SPMAP2L: variants seen among roughly 807,000 people sequenced by gnomAD.
The protein encoded by SPMAP2L is sperm microtubule associated protein 2 like, also known as sperm microtubule associated protein 2-like.
chr4:56,622,260 G>A, the SPMAP2L span, among the ~76,000 whole-genome samples: 1 of 152,298 alleles, frequency 6.6e-6, no homozygotes, highest in South Asian at 2.1e-4. Flanking sequence ...ACACAAATCA[G>A]GTTAAAACAT....
At chr4:56,584,432 G>A in the SPMAP2L span, 2 of 1,060,444 alleles carry the variant, frequency 1.9e-6, no homozygotes, top group Non-Finnish European at 2.8e-6. Flanking sequence ...TTGTAGTAAT[G>A]GAAAATCCAG....
chr4:56,592,781 G>T, the SPMAP2L span, among the ~76,000 whole-genome samples: 8 of 152,048 alleles, frequency 5.3e-5, no homozygotes, highest in African/African-American at 1.9e-4. Context: ...CAGTGCCGGC[G>T]GGGACAGCGC....
chr4:56,592,183 T>C, the SPMAP2L span, among the ~76,000 whole-genome samples: 143 of 152,274 alleles, frequency 9.4e-4, no homozygotes, highest in South Asian at 2.3e-3. Flanking sequence ...GTGCTCTCCT[T>C]ATGAGAATTT....
chr4:56,604,544 G>A, the SPMAP2L span, among the ~76,000 whole-genome samples: 1 of 151,834 alleles, frequency 6.6e-6, no homozygotes, highest in Non-Finnish European at 1.5e-5. Context: ...TGTAATCCCA[G>A]CTACTCAGGA....
At chr4:56,559,852 C>T in the SPMAP2L span, among the ~76,000 whole-genome samples, 1 of 152,170 alleles carries the variant, frequency 6.6e-6, no homozygotes, top group African/African-American at 2.4e-5. Flanking sequence ...CAGGCATGAG[C>T]CACCACACCT....
the SPMAP2L span, among the ~76,000 whole-genome samples, chr4:56,541,394 A>G: frequency 2.8e-3 from 419 of 152,288 alleles, 1 homozygote; most frequent in Admixed American, 5.9e-3. Flanking sequence ...AAACAGTTTT[A>G]TTAATTTTTT....
chr4:56,560,156 C>G, the SPMAP2L span, among the ~76,000 whole-genome samples: 1 of 152,100 alleles, frequency 6.6e-6, no homozygotes, highest in Non-Finnish European at 1.5e-5. Flanking sequence ...AAGAATTCTA[C>G]AGAAGCCATT....
chr4:56,563,455 G>A, the SPMAP2L span, among the ~76,000 whole-genome samples: 3 of 151,868 alleles, frequency 2.0e-5, no homozygotes, highest in Non-Finnish European at 4.4e-5. Flanking sequence ...GTGCTTGCTG[G>A]TTGAATGATT....
the SPMAP2L span, chr4:56,594,521 G>C: frequency 6.2e-7 from 1 of 1,607,828 alleles, no homozygotes; most frequent in Non-Finnish European, 8.5e-7. Flanking sequence ...AGCCCAGGGA[G>C]AATATGCTGG....
chr4:56,615,697 G>A, the SPMAP2L span, among the ~76,000 whole-genome samples: 1 of 152,140 alleles, frequency 6.6e-6, no homozygotes, highest in Non-Finnish European at 1.5e-5. Flanking sequence ...GCAGTGAGGT[G>A]AGATTGCGCC....
chr4:56,551,652 G>A, the SPMAP2L span, among the ~76,000 whole-genome samples: 3 of 152,122 alleles, frequency 2.0e-5, no homozygotes, highest in Non-Finnish European at 2.9e-5. Context: ...TATTGGCCCC[G>A]TCAGACTCCA....
the SPMAP2L span, among the ~76,000 whole-genome samples, chr4:56,556,147 C>T: frequency 2.0e-5 from 3 of 152,184 alleles, no homozygotes. Flanking sequence ...ATCACCCTGT[C>T]TATTTTAGAA....
At chr4:56,537,233 C>A in the SPMAP2L span, among the ~76,000 whole-genome samples, 4 of 152,132 alleles carry the variant, frequency 2.6e-5, no homozygotes, top group Admixed American at 6.5e-5. Context: ...TGAATTCTTG[C>A]GGGCTCTGTC....
At chr4:56,602,580 A>G in the SPMAP2L span, among the ~76,000 whole-genome samples, 2 of 152,158 alleles carry the variant, frequency 1.3e-5, no homozygotes, top group Non-Finnish European at 2.9e-5. Flanking sequence ...CTGTAGTCCC[A>G]GCTATTTGAG....
the SPMAP2L span, chr4:56,530,727 T>C: frequency 1.3e-6 from 2 of 1,535,316 alleles, no homozygotes; most frequent in South Asian, 2.4e-5. Flanking sequence ...AGGTGACCGA[T>C]GGGCAGGTCT....
the SPMAP2L span, among the ~76,000 whole-genome samples, chr4:56,577,162 TGGGAGGCCAA>T: frequency 6.7e-6 from 1 of 150,078 alleles, no homozygotes; most frequent in Admixed American, 6.6e-5. Context: ...CCCAGCACTT[TGGGAGGCCAA>T]GGTGGGTGGA....
the SPMAP2L span, among the ~76,000 whole-genome samples, chr4:56,589,791 G>T: frequency 3.9e-5 from 6 of 151,912 alleles, no homozygotes; most frequent in Non-Finnish European, 5.9e-5. Flanking sequence ...TGTAAAAATG[G>T]TGGAGTTCTT....
chr4:56,601,388 G>A, the SPMAP2L span, among the ~76,000 whole-genome samples: 9 of 152,272 alleles, frequency 5.9e-5, no homozygotes, highest in Admixed American at 3.3e-4. Flanking sequence ...GGAGACCAAG[G>A]TGGGAGGATA....
chr4:56,597,999 A>T, the SPMAP2L span, among the ~76,000 whole-genome samples: 1 of 152,138 alleles, frequency 6.6e-6, no homozygotes, highest in Non-Finnish European at 1.5e-5. Flanking sequence ...AGCAGCTGGG[A>T]CTACAGGCAT....
Sources: gnomAD v4.1 joint callset for allele counts (sites outside exome capture counted in the v4.1 genomes callset) on GRCh38, gnomAD v4.1.1 for gene constraint, MANE v1.5 for transcripts, NCBI Gene and HGNC (gene_info 2026-07-23, HGNC 2026-07-21) for gene names.